The following SYT2 variants were observed in gnomAD, a reference collection of about 807,000 sequenced individuals.
SYT2 encodes synaptotagmin-2.
SYT2 carries 15 observed loss-of-function variants against 39.9 expected under a neutral mutation model. The ratio of observed to expected loss-of-function variants is 0.38; its 90% confidence interval spans 0.25 to 0.58. The LOEUF is 0.58. Among genes scored for constraint, SYT2 ranks in the 20% least tolerant of loss-of-function variants. The pLI, the probability that SYT2 is intolerant of heterozygous loss-of-function variation, is 0.70. For missense variants in SYT2, 389 were observed against 530.3 expected (o/e 0.73, Z 2.62); for synonymous variants, 181 against 204.5 (o/e 0.89, Z 0.98).
At chr1:202,598,218 C>T (rs1690369211) in intron 8 of SYT2, among the ~76,000 whole-genome samples, 1 of 152,172 alleles carries the variant, frequency 6.6e-6, no homozygotes, top group South Asian at 2.1e-4. Flanking sequence ...CTGACTTGGG[C>T]CACTGGGTAA....
At chr1:202,671,057 C>T (rs1198863972) in intron 1 of SYT2, among the ~76,000 whole-genome samples, 2 of 152,248 alleles carry the variant, frequency 1.3e-5, no homozygotes, top group Non-Finnish European at 2.9e-5. Context: ...CCGCCACTCC[C>T]ATCGGCGATC....
chr1:202,681,497 A>T (rs12038816), intron 1 of SYT2, among the ~76,000 whole-genome samples: 221 of 152,194 alleles, frequency 1.5e-3, no homozygotes, highest in African/African-American at 4.9e-3. Context: ...AAAATATCTA[A>T]GAGGCTCCCC....
chr1:202,642,974 G>A (rs1691962568), intron 1 of SYT2, among the ~76,000 whole-genome samples: 1 of 152,382 alleles, frequency 6.6e-6, no homozygotes, highest in East Asian at 1.9e-4. Flanking sequence ...GCTCTCCGCG[G>A]GGAGAGATAG....
rs1220540752 is a variant in SYT2, at chr1:202,613,067, CCTTTTTTTTTTTTTT to C, written c.-17-7293_-17-7279del. ...CACATTGCCGAACTCATTGGTTCTT[CCTTTTTTTTTTTTTT>C]TTTTTTTTTTTTTTTCCAGACAGAG... is the stretch of plus-strand genomic sequence containing the variant. On this transcript the variant is annotated intron_variant, in intron 1 of 8. Coordinates refer to ENST00000367268, the MANE Select transcript of SYT2 (RefSeq NM_177402.5). 9.9e-5 allele frequency among the ~76,000 whole-genome samples: 12 copies of C among 121,624 alleles called. 1 individual carries two copies. The highest frequency in any genetic ancestry group is 4.5e-3 in the Middle Eastern group (1 of 220). 79.8% of individuals were successfully genotyped at this position (121,624 alleles called of 152,430 possible). A position where few individuals can be genotyped will look rare whatever the true frequency, so the allele number is the denominator to read the frequency against.
chr1:202,687,874 T>C (rs1653712266), intron 1 of SYT2, among the ~76,000 whole-genome samples: 1 of 152,120 alleles, frequency 6.6e-6, no homozygotes, highest in Non-Finnish European at 1.5e-5. Flanking sequence ...TCTTCCTATC[T>C]GCCAAGTTCT....
intron 1 of SYT2, among the ~76,000 whole-genome samples, chr1:202,657,156 G>A (rs953554248): frequency 6.6e-6 from 1 of 152,180 alleles, no homozygotes; most frequent in African/African-American, 2.4e-5. Flanking sequence ...CAAATTCCAG[G>A]TCAGACTGAG....
At chr1:202,612,075 A>G (rs1388155365) in intron 1 of SYT2, among the ~76,000 whole-genome samples, 1 of 152,330 alleles carries the variant, frequency 6.6e-6, no homozygotes, top group East Asian at 1.9e-4. Flanking sequence ...CACTTTGAGT[A>G]TGGCGTAAGG....
chr1:202,708,181 C>T (rs940243283), intron 1 of SYT2, among the ~76,000 whole-genome samples: 1 of 152,072 alleles, frequency 6.6e-6, no homozygotes, highest in African/African-American at 2.4e-5. Flanking sequence ...TCCTGTTCTG[C>T]GGATGTCAGA....
At chr1:202,624,955 GTGTC>G (rs1691335282) in intron 1 of SYT2, among the ~76,000 whole-genome samples, 1 of 133,998 alleles carries the variant, frequency 7.5e-6, no homozygotes, top group African/African-American at 2.8e-5. Flanking sequence ...AGTGTGTGTG[GTGTC>G]TGTGTGTGGC....
intron 1 of SYT2, among the ~76,000 whole-genome samples, chr1:202,683,811 C>T (rs6698441): frequency 0.27 from 41,036 of 150,924 alleles, 5,988 homozygotes; most frequent in East Asian, 0.38. Flanking sequence ...TTCTATAGTG[C>T]TAGAAGCCAT....
chr1:202,707,006 A>G (rs374847650), intron 1 of SYT2, among the ~76,000 whole-genome samples: 3 of 152,342 alleles, frequency 2.0e-5, no homozygotes, highest in African/African-American at 4.8e-5. Context: ...CTCTTGGCAC[A>G]GTCATGATGA....
chr1:202,621,498 T>C (rs1345609792), intron 1 of SYT2, among the ~76,000 whole-genome samples: 3 of 152,176 alleles, frequency 2.0e-5, no homozygotes, highest in African/African-American at 7.2e-5. Context: ...GGTACCACTA[T>C]GTTGCTCAGG....
chr1:202,602,206 A>C (rs767031533), intron 5 of SYT2, 149 bp from the exon 6 acceptor site: 20 of 420,324 alleles, frequency 4.8e-5, no homozygotes, highest in Non-Finnish European at 8.9e-5. Context: ...GCAGAGTGTG[A>C]GGGTGGGGTG....
chr1:202,683,755 A>AG (rs1215972464), intron 1 of SYT2, among the ~76,000 whole-genome samples: 2 of 151,230 alleles, frequency 1.3e-5, no homozygotes, highest in African/African-American at 2.4e-5. Context: ...AAAAAAAAAA[A>AG]AAGAGTGTAT....
Position 202,596,128 on chromosome 1 carries a change from G to A in SYT2, c.*629C>T, listed in dbSNP as rs1403841080. The A allele has an allele frequency of 1.3e-5, 2 of 152,060 alleles. No homozygotes were observed. The highest frequency in any genetic ancestry group is 2.4e-5 in the African/African-American group (1 of 41,378). 9.4% of individuals were successfully genotyped at this position (152,060 alleles called of 1,614,324 possible). A position where few individuals can be genotyped will look rare whatever the true frequency, so the allele number is the denominator to read the frequency against. ...ATGAGAGAAGATCTCCCACTTAGTGGACTTCTTCATGTCAGGGTCCCCAAA... is the reference window on the plus strand; with the variant it reads ...ATGAGAGAAGATCTCCCACTTAGTGAACTTCTTCATGTCAGGGTCCCCAAA... On this transcript the variant is annotated 3_prime_UTR_variant, in exon 9 of 9. Coordinates refer to ENST00000367268, the MANE Select transcript of SYT2 (RefSeq NM_177402.5).
chr1:202,632,701 C>T (rs1450208217), intron 1 of SYT2: 1 of 458,188 alleles, frequency 2.2e-6, no homozygotes, highest in Non-Finnish European at 2.9e-6. Context: ...CCCAGAGAGG[C>T]TCCTCCTGAT....
chr1:202,687,677 A>AAG (rs1553342878), intron 1 of SYT2, among the ~76,000 whole-genome samples: 1 of 151,706 alleles, frequency 6.6e-6, no homozygotes. Flanking sequence ...AAAAAAAAAA[A>AAG]AAAAAAAGAA....
chr1:202,602,593 A>C (rs781007163), intron 4 of SYT2, 48 bp from the exon 5 acceptor site: 1 of 1,561,124 alleles, frequency 6.4e-7, no homozygotes, highest in Admixed American at 1.8e-5. Flanking sequence ...GGACTGCTCC[A>C]ATACCACAAC....
chr1:202,613,048 G>A (rs1690929038), intron 1 of SYT2, among the ~76,000 whole-genome samples: 1 of 144,968 alleles, frequency 6.9e-6, no homozygotes, highest in Non-Finnish European at 1.5e-5. Flanking sequence ...CTGCCACATT[G>A]CCGAACTCAT....
Sources: gnomAD v4.1 joint callset for allele counts (sites outside exome capture counted in the v4.1 genomes callset) on GRCh38, gnomAD v4.1.1 for gene constraint, MANE v1.5 for transcripts, NCBI Gene and HGNC (gene_info 2026-07-23, HGNC 2026-07-21) for gene names.